The following NQO1 variants were observed in gnomAD, a reference collection of about 807,000 sequenced individuals.
NQO1 encodes the protein NAD(P)H dehydrogenase [quinone] 1.
In NQO1, 30 loss-of-function variants were observed where a neutral mutation model predicts 32.1. The observed-to-expected ratio is 0.94, with a 90% confidence interval of 0.70 to 1.27. The LOEUF (loss-of-function observed/expected upper bound fraction) is 1.27, where lower values mean the gene tolerates loss of function less well. Among genes scored for constraint, NQO1 ranks in the 50% most tolerant of loss-of-function variants. The pLI, the probability that NQO1 is intolerant of heterozygous loss-of-function variation, is 0.00. For synonymous variants in NQO1, 109 were observed against 119.7 expected, an observed-to-expected ratio of 0.91 and a Z score of 0.59; for missense variants, 276 against 331.3, an observed-to-expected ratio of 0.83 and a Z score of 1.30.
chr16:69,714,001 G>A (rs1024278118), intron 4 of NQO1, among the ~76,000 whole-genome samples: 2 of 151,172 alleles, frequency 1.3e-5, no homozygotes, highest in Non-Finnish European at 2.9e-5. Flanking sequence ...TCAGCCTCCC[G>A]AGTACCTGGG....
At position 69,709,495 on chromosome 16, in the gene NQO1, C is replaced by G. The variant is rs1597593063; in HGVS notation, c.*1481G>C. On this transcript the variant is annotated 3_prime_UTR_variant, in exon 6 of 6. Transcript: ENST00000320623. ...GAAGATGAAGGCAACAAAATATTTT[C>G]AAACTGAAACACCCAGCCGTCAGCT... The G allele has an allele frequency of 5.9e-6, 2 of 337,002 alleles. No homozygotes were observed. Among genetic ancestry groups the G allele is most frequent in the African/African-American group, 4.2e-5 (2 of 47,576 alleles). 20.9% of individuals were successfully genotyped at this position (337,002 alleles called of 1,614,324 possible).
chr16:69,711,402 T>A, intron 5 of NQO1, 121 bp from the exon 6 acceptor site: 1 of 781,816 alleles, frequency 1.3e-6, no homozygotes, highest in Non-Finnish European at 2.1e-6. Flanking sequence ...TCAGGCACAC[T>A]AGAGAATCAG....
Position 69,726,282 on chromosome 16 carries a change from C to A in NQO1, c.7+151G>T, listed in dbSNP as rs564735747. On this transcript the variant is annotated intron_variant, in intron 1 of 5. Transcript: ENST00000320623. The stretch of plus-strand genomic sequence containing the variant: ...ACAGAAGCTCTCCTTCTCCCGGAGT[C>A]CGATCAAGGCTCATCCCAGGTCCCT... The A allele has an allele frequency of 4.5e-4, 470 of 1,044,210 alleles. 2 individuals carry two copies. The Middle Eastern group carries it at 7.0e-3, about 15-fold the overall frequency. 64.7% of individuals were successfully genotyped at this position (1,044,210 alleles called of 1,614,324 possible). A position where few individuals can be genotyped will look rare whatever the true frequency, so the allele number is the denominator to read the frequency against.
rs1427200776 is a variant in NQO1, at chr16:69,710,713, TA to T, written c.*262del. On this transcript the variant is annotated 3_prime_UTR_variant, in exon 6 of 6. Coordinates refer to ENST00000320623, the MANE Select transcript of NQO1 (RefSeq NM_000903.3). ...AGGAATTAAATTGTGTAGATGCCTT[TA>T]AAGAACATTTTTCTAGCATCTTTCT... 3 of 455,964 alleles carry T rather than the reference TA, an allele frequency of 6.6e-6. No individual in the cohort carries two copies. The highest frequency in any genetic ancestry group is 1.2e-5 in the Non-Finnish European group (3 of 256,596). The allele number at this position is 455,964 out of a possible 1,614,324, so 28.2% of individuals were successfully genotyped here.
chr16:69,723,596 G>A (rs1416673596), intron 1 of NQO1, among the ~76,000 whole-genome samples: 2 of 151,968 alleles, frequency 1.3e-5, no homozygotes, highest in Non-Finnish European at 2.9e-5. Context: ...TCAGGAGTTA[G>A]AGACCAGCCT....
chr16:69,714,621 G>A (rs555981219), intron 4 of NQO1, among the ~76,000 whole-genome samples: 3 of 151,332 alleles, frequency 2.0e-5, no homozygotes, highest in Non-Finnish European at 4.4e-5. Context: ...GGCTCACACC[G>A]GTAATCACAG....
chr16:69,716,362 C>T (rs1010915693), intron 3 of NQO1, among the ~76,000 whole-genome samples: 2 of 151,446 alleles, frequency 1.3e-5, no homozygotes, highest in African/African-American at 2.4e-5. Context: ...CGTGGTGGTG[C>T]ATGCCTGTAG....
In NQO1 at chr16:69,724,103, C is replaced by G. The variant is rs533126832; in HGVS notation, c.7+2330G>C. Reference sequence around the variant, plus strand: ...CCGAGGCGGGTGGATTACTTGAGGTCAGGAGCTAGAGACCAGCCTGGCCAA... The same window carrying G: ...CCGAGGCGGGTGGATTACTTGAGGTGAGGAGCTAGAGACCAGCCTGGCCAA... On this transcript the variant is annotated intron_variant, in intron 1 of 5. Transcript: ENST00000320623. Among the ~76,000 whole-genome samples, 3 of 151,908 alleles carry G rather than the reference C, an allele frequency of 2.0e-5. No individual in the cohort carries two copies. The East Asian group carries it at 5.9e-4, about 30-fold the overall frequency.
chr16:69,726,035 G>A (rs1260230493), intron 1 of NQO1, among the ~76,000 whole-genome samples: 2 of 152,222 alleles, frequency 1.3e-5, no homozygotes, highest in Non-Finnish European at 2.9e-5. Context: ...ACATTTTTAA[G>A]TGAAATCACC....
At chr16:69,721,018 CT>C (rs1468969006) in intron 1 of NQO1, among the ~76,000 whole-genome samples, 1 of 151,220 alleles carries the variant, frequency 6.6e-6, no homozygotes, top group Non-Finnish European at 1.5e-5. Context: ...GTAGCTGATA[CT>C]ACAGGTGTGC....
At chr16:69,715,304 G>A (rs1160586091) in intron 3 of NQO1, among the ~76,000 whole-genome samples, 1 of 152,212 alleles carries the variant, frequency 6.6e-6, no homozygotes, top group African/African-American at 2.4e-5. Context: ...TATTGAGTGG[G>A]TCCGAGTAAA....
chr16:69,712,966 C>A, intron 5 of NQO1, 62 bp downstream of exon 5: 1 of 1,373,420 alleles, frequency 7.3e-7, no homozygotes, highest in Non-Finnish European at 1.0e-6. Flanking sequence ...GCACTCCAGC[C>A]TAGATGACAG....
chr16:69,717,964 T>G, intron 3 of NQO1, 159 bp downstream of exon 3: 51 of 1,067,430 alleles, frequency 4.8e-5, no homozygotes, highest in Non-Finnish European at 6.7e-5. Context: ...CCAATATCTG[T>G]GAAATCCATG....
chr16:69,718,459 G>A lies in NQO1; in HGVS notation c.83C>T (p.Ala28Val), dbSNP rs1439907005. ...FNYAMKEAAAAALKKKGWEVV... is the reference protein window; with the variant it reads ...FNYAMKEAAAVALKKKGWEVV... The stretch of plus-strand genomic sequence containing the variant: ...CTCCCATCCTTTCTTCTTCAAAGCC[G>A]CTGCAGCAGCCTCCTTCATGGCATA... Residue 28 changes from alanine (A) to valine (V), a missense_variant, in exon 2 of 6, where the codon GCG (alanine) becomes GTG (valine). Physicochemically the swap from Ala to Val is moderately conservative, Grantham distance 64. Coordinates refer to ENST00000320623, the MANE Select transcript of NQO1 (RefSeq NM_000903.3). 11 of 1,614,116 alleles carry A rather than the reference G, an allele frequency of 6.8e-6. No individual in the cohort carries two copies. Among genetic ancestry groups the A allele is most frequent in the South Asian group, 3.3e-5 (3 of 91,080 alleles).
intron 4 of NQO1, 34 bp downstream of exon 4, chr16:69,714,930 C>T: frequency 6.9e-7 from 1 of 1,446,740 alleles, no homozygotes; most frequent in Non-Finnish European, 9.7e-7. Flanking sequence ...CACCCAGAAG[C>T]TGGCTGTCAG....
chr16:69,718,522 A>C lies in NQO1; in HGVS notation c.20T>G (p.Leu7Arg), dbSNP rs368942932. ...CCTCTCTGAGTGAGCCAGTACGATC[A>C]GTGCTCTTCTGCCTACAGAGACACA... MVGRRA[L>R]IVLAHSERTS... Residue 7 changes from leucine to arginine, a missense_variant, in exon 2 of 6, where the codon CTG (leucine) becomes CGG (arginine). By Grantham distance (102) the Leu-to-Arg change is moderately radical (BLOSUM62 -2). Coordinates refer to ENST00000320623, the MANE Select transcript of NQO1 (RefSeq NM_000903.3). 137 of 1,613,780 alleles carry C rather than the reference A, an allele frequency of 8.5e-5. 1 individual carries two copies. Among genetic ancestry groups the C allele is most frequent in the African/African-American group, 1.1e-4 (8 of 74,934 alleles).
At chr16:69,719,034 CAAAA>C (rs11423997) in intron 1 of NQO1, among the ~76,000 whole-genome samples, 1 of 144,210 alleles carries the variant, frequency 6.9e-6, no homozygotes. Context: ...GACTCCGTCT[CAAAA>C]AAAAAAAAAG....
rs1323472921 is a variant in NQO1, at chr16:69,718,178, G to C, written c.248C>G (p.Pro83Arg). The C allele has an allele frequency of 6.2e-7, 1 of 1,614,060 alleles. No individual in the cohort carries two copies. The highest frequency in any genetic ancestry group is 8.5e-7 in the Non-Finnish European group (1 of 1,179,970). The change falls in exon 3 of 6, where the codon CCA (proline) becomes CGA (arginine). Residue 83 changes from proline (P) to arginine (R), a missense_variant. Transcript: ENST00000320623. Reference sequence around the variant, plus strand: ...CTTCTTTTGTTCAGCCACAATATCTGGGCTCAGATGGCCTTCTTTATAAGC... The same window carrying C: ...CTTCTTTTGTTCAGCCACAATATCTCGGCTCAGATGGCCTTCTTTATAAGC... ...VLAYKEGHLS[P>R]DIVAEQKKLE...
At chr16:69,724,439 G>A (rs574659407) in intron 1 of NQO1, among the ~76,000 whole-genome samples, 6 of 151,524 alleles carry the variant, frequency 4.0e-5, no homozygotes, top group Admixed American at 1.3e-4. Context: ...CAGTCCTCCC[G>A]CCTCAGCCTC....
Sources: allele counts gnomAD v4.1 joint callset (sites outside exome capture counted in the v4.1 genomes callset), GRCh38; gene constraint gnomAD v4.1.1; transcripts MANE v1.5; gene names NCBI Gene and HGNC (gene_info 2026-07-23, HGNC 2026-07-21).